CDC16: variants seen among roughly 807,000 people sequenced by gnomAD.
CDC16 encodes the protein cell division cycle protein 16 homolog.
In CDC16, 34 loss-of-function variants were observed where a neutral mutation model predicts 87.0. The observed-to-expected ratio is 0.39, with a 90% CI of 0.30 to 0.52. The LOEUF (loss-of-function observed/expected upper bound fraction) is 0.52. CDC16 is among the 20% of genes least tolerant of loss of function. The pLI, the probability that CDC16 is intolerant of heterozygous loss-of-function variation, is 0.74. For missense variants in CDC16, 653 were observed against 751.9 expected, an observed-to-expected ratio of 0.87 and a Z score of 1.54; for synonymous variants, 263 against 260.6, an observed-to-expected ratio of 1.01 and a Z score of -0.09.
rs749130757 is a variant in CDC16 at position 114,257,210 on chromosome 13, G to T, written c.1230G>T (p.Val410=). The change falls in exon 13 of 18, where the codon GTG becomes GTT. Residue 410 remains valine (V), a synonymous_variant. Coordinates refer to ENST00000356221, the MANE Select transcript of CDC16 (RefSeq NM_001078645.3). Reference sequence around the variant, plus strand: ...CTTTTGTTATGCATGAGGTCGGCGTGGTTGCATTTCAGAATGGAGAGTAAG... The same window carrying T: ...CTTTTGTTATGCATGAGGTCGGCGTTGTTGCATTTCAGAATGGAGAGTAAG... The part of the protein sequence containing the change: ...EDPFVMHEVG[V]VAFQNGEWKT... The T allele has an allele frequency of 1.2e-5, 20 of 1,609,742 alleles. No homozygotes were observed. Among genetic ancestry groups the T allele is most frequent in the Admixed American group, 1.7e-5 (1 of 59,748 alleles).
chr13:114,247,667 CAGGAGTTCA>C (rs1455149054), intron 11 of CDC16, among the ~76,000 whole-genome samples: 1 of 152,066 alleles, frequency 6.6e-6, no homozygotes, highest in Non-Finnish European at 1.5e-5. Flanking sequence ...CACCTGAGGT[CAGGAGTTCA>C]AGACCAGCCT....
intron 17 of CDC16, among the ~76,000 whole-genome samples, chr13:114,271,483 C>CTT (rs17291626): frequency 0.024 from 3,642 of 150,604 alleles, 154 homozygotes; most frequent in African/African-American, 0.085. Flanking sequence ...CAGCACAGTT[C>CTT]TTTTTTTTTG....
At chr13:114,247,490 G>A (rs1006130965) in intron 11 of CDC16, among the ~76,000 whole-genome samples, 7 of 151,672 alleles carry the variant, frequency 4.6e-5, no homozygotes, top group Non-Finnish European at 7.4e-5. Context: ...TCTTCAAGTG[G>A]TTTGTTCTTT....
At chr13:114,254,539 C>A (rs1255224067) in intron 12 of CDC16, among the ~76,000 whole-genome samples, 1 of 152,164 alleles carries the variant, frequency 6.6e-6, no homozygotes, top group Non-Finnish European at 1.5e-5. Context: ...CTGTTAGTGT[C>A]ATATAGAATA....
At chr13:114,242,547 C>T (rs2081604394) in intron 6 of CDC16, 2 of 371,414 alleles carry the variant, frequency 5.4e-6, no homozygotes, top group East Asian at 5.0e-5. Context: ...TTCAGTATCT[C>T]ATGCAGTGAT....
chr13:114,236,594 A>G, intron 1 of CDC16, 51 bp from the exon 2 acceptor site: 1 of 1,518,188 alleles, frequency 6.6e-7, no homozygotes, highest in Non-Finnish European at 9.0e-7. Flanking sequence ...ACTGTTTAAG[A>G]CTATTAAAAT....
At chr13:114,235,584 G>A (rs541627449) in intron 1 of CDC16, among the ~76,000 whole-genome samples, 1 of 152,332 alleles carries the variant, frequency 6.6e-6, no homozygotes, top group African/African-American at 2.4e-5. Context: ...AAAAATTCTC[G>A]TTAACTATGT....
intron 3 of CDC16, among the ~76,000 whole-genome samples, chr13:114,237,275 A>G (rs1322279134): frequency 6.6e-6 from 1 of 151,672 alleles, no homozygotes; most frequent in East Asian, 1.9e-4. Context: ...TTCTGTTGAA[A>G]TTATTTAACT....
At chr13:114,245,484 CAG>C (rs2138934886) in intron 9 of CDC16, among the ~76,000 whole-genome samples, 1 of 152,300 alleles carries the variant, frequency 6.6e-6, no homozygotes, top group Admixed American at 6.5e-5. Flanking sequence ...CCCTGCTGCT[CAG>C]AGTGTGGTTC....
rs17337710 is a variant in CDC16 at position 114,234,908 on chromosome 13, C to T, written c.-177C>T. The T allele has an allele frequency of 5.1e-6, 2 of 395,614 alleles. No individual in the cohort carries two copies. Among genetic ancestry groups the T allele is most frequent in the Non-Finnish European group, 8.8e-6 (2 of 227,204 alleles). The allele number at this position is 395,614 out of a possible 1,614,324, so 24.5% of individuals were successfully genotyped here. A position where few individuals can be genotyped will look rare whatever the true frequency, so the allele number is the denominator to read the frequency against. On this transcript the variant is annotated 5_prime_UTR_variant, in exon 1 of 18. Coordinates refer to ENST00000356221, the MANE Select transcript of CDC16 (RefSeq NM_001078645.3). The stretch of plus-strand genomic sequence containing the variant: ...GGAAGAGCCTGGGCAGTGCACGGGG[C>T]CTGGGTGGGGGGTGCGGGTGTGGGT...
rs965860341 is a variant in CDC16 at position 114,272,186 on chromosome 13, G to A, written c.1606G>A (p.Ala536Thr). The change falls in exon 18 of 18, where the codon GCA becomes ACA. Residue 536 changes from alanine (A) to threonine (T), a missense_variant and splice_region_variant. Physicochemically the swap from Ala to Thr is moderately conservative, Grantham distance 58 (BLOSUM62 0). Transcript: ENST00000356221. The stretch of plus-strand genomic sequence containing the variant: ...CTAATTATAGTATTTCTTTTTAGGA[G>A]CAGACATTAAAGACAAATTAAAATG... Reference protein sequence around the residue: ...YIGDSEAYIGADIKDKLKCYD... With the variant: ...YIGDSEAYIGTDIKDKLKCYD... 6.7e-7 allele frequency: 1 copy of A among 1,492,740 alleles called. No individual in the cohort carries two copies. The highest frequency in any genetic ancestry group is 1.2e-5 in the South Asian group (1 of 80,744). 92.5% of individuals were successfully genotyped at this position (1,492,740 alleles called of 1,614,324 possible).
At chr13:114,254,361 T>C (rs1202719986) in intron 12 of CDC16, among the ~76,000 whole-genome samples, 1 of 152,188 alleles carries the variant, frequency 6.6e-6, no homozygotes, top group African/African-American at 2.4e-5. Context: ...TTTAATCCCC[T>C]TTTTTTATTA....
At chr13:114,236,985 C>T in intron 3 of CDC16, 89 bp downstream of exon 3, 1 of 765,416 alleles carries the variant, frequency 1.3e-6, no homozygotes, top group Non-Finnish European at 2.0e-6. Flanking sequence ...CCTGTAATCC[C>T]AGCGCTTTGG....
In CDC16 at chr13:114,261,884, T is replaced by C; in HGVS notation, c.1315-3T>C. Reference sequence around the variant, plus strand: ...TCGTGGGCTTGATGTTGCTATGTTTTAGGTAACAGTTGACAAATGGGAACC... The same window carrying C: ...TCGTGGGCTTGATGTTGCTATGTTTCAGGTAACAGTTGACAAATGGGAACC... On this transcript the variant is annotated splice_region_variant and splice_polypyrimidine_tract_variant and intron_variant, in intron 14 of 17. Coordinates refer to ENST00000356221, the MANE Select transcript of CDC16 (RefSeq NM_001078645.3). The C allele has an allele frequency of 6.3e-7, 1 of 1,598,524 alleles. No individual in the cohort carries two copies. Among genetic ancestry groups the C allele is most frequent in the Non-Finnish European group, 8.5e-7 (1 of 1,172,386 alleles).
chr13:114,250,036 A>G (rs974212679), intron 11 of CDC16, among the ~76,000 whole-genome samples: 1 of 152,196 alleles, frequency 6.6e-6, no homozygotes, highest in Non-Finnish European at 1.5e-5. Context: ...TCAAGAATAA[A>G]TACTAGCTGG....
intron 5 of CDC16, among the ~76,000 whole-genome samples, chr13:114,240,152 A>G (rs2081472438): frequency 1.3e-5 from 2 of 152,174 alleles, no homozygotes; most frequent in Admixed American, 1.3e-4. Flanking sequence ...TATTTTTATT[A>G]TTCAGAAAGA....
chr13:114,238,084 C>T (rs2081345498), intron 3 of CDC16, among the ~76,000 whole-genome samples: 1 of 152,146 alleles, frequency 6.6e-6, no homozygotes, highest in Admixed American at 6.6e-5. Flanking sequence ...AGCAGTTATT[C>T]ACACTCAGGG....
chr13:114,238,086 C>G (rs148955375), intron 3 of CDC16, among the ~76,000 whole-genome samples: 1,548 of 148,332 alleles, frequency 0.01, 5 homozygotes, highest in African/African-American at 0.039. Flanking sequence ...CAGTTATTCA[C>G]ACTCAGGGCC....
chr13:114,272,394 A>G lies in CDC16; in HGVS notation c.1814A>G (p.Asn605Ser). The G allele has an allele frequency of 2.5e-6, 4 of 1,614,160 alleles. No individual in the cohort carries two copies. The highest frequency in any genetic ancestry group is 3.4e-6 in the Non-Finnish European group (4 of 1,179,950). ...GAAGAAACCTTTGAAATTGAAATGA[A>G]TGAAAGTGACATGATGTTAGAGACA... Reference protein sequence around the residue: ...SLEETFEIEMNESDMMLETSM... With the variant: ...SLEETFEIEMSESDMMLETSM... Residue 605 changes from asparagine (N) to serine (S), a missense_variant, in exon 18 of 18, where the codon AAT becomes AGT. Coordinates refer to ENST00000356221, the MANE Select transcript of CDC16 (RefSeq NM_001078645.3).
Sources: allele counts gnomAD v4.1 joint callset (sites outside exome capture counted in the v4.1 genomes callset), GRCh38; gene constraint gnomAD v4.1.1; transcripts MANE v1.5; gene names NCBI Gene and HGNC (gene_info 2026-07-23, HGNC 2026-07-21).